The following MAP4K3 variants were observed in gnomAD, a reference collection of about 807,000 sequenced individuals.
MAP4K3 encodes mitogen-activated protein kinase kinase kinase kinase 3, also known as MAPK/ERK kinase kinase kinase 3.
In MAP4K3, 94 loss-of-function variants were observed where a neutral mutation model predicts 143.5. The observed-to-expected ratio is 0.65, with a 90% CI of 0.55 to 0.78. The LOEUF (loss-of-function observed/expected upper bound fraction) is 0.78, where lower values mean the gene tolerates loss of function less well. Ranked by LOEUF, MAP4K3 falls within the 30% of genes least tolerant of loss-of-function variation. MAP4K3 has a pLI of 0.00. For missense variants in MAP4K3, 1,077 were observed against 1,068.1 expected (o/e 1.01, Z -0.12); for synonymous variants, 416 against 347.2 (o/e 1.20, Z -2.20).
rs755777714 is a variant in MAP4K3, at chr2:39,391,358, C to CAAAAAAA, written c.97-13242_97-13236dup. On this transcript the variant is annotated intron_variant, in intron 1 of 33. Coordinates refer to ENST00000263881, the MANE Select transcript of MAP4K3 (RefSeq NM_003618.4). ...TGAGCGACAGAGCAAGACTCCATCTCAAAAAAAAAAAAAAAAAAAAAAAGA... is the reference window on the plus strand; with the variant it reads ...TGAGCGACAGAGCAAGACTCCATCTCAAAAAAAAAAAAAAAAAAAAAAAAAAAAAAGA... Among the ~76,000 whole-genome samples the CAAAAAAA allele has an allele frequency of 7.2e-3, 323 of 45,118 alleles. 2 individuals carry two copies. Among genetic ancestry groups the CAAAAAAA allele is most frequent in the East Asian group, 0.013 (16 of 1,234 alleles). The allele number at this position is 45,118 out of a possible 152,430, so 29.6% of individuals were successfully genotyped here.
intron 3 of MAP4K3, among the ~76,000 whole-genome samples, chr2:39,346,331 G>A (rs895149524): frequency 3.9e-5 from 6 of 152,028 alleles, no homozygotes; most frequent in African/African-American, 1.2e-4. Flanking sequence ...AAAACAAAAG[G>A]CAGACCAGTT....
intron 1 of MAP4K3, among the ~76,000 whole-genome samples, chr2:39,385,434 T>C (rs561728033): frequency 1.3e-5 from 2 of 151,896 alleles, no homozygotes; most frequent in East Asian, 3.9e-4. Context: ...TGATGACTAA[T>C]GATGCTCTTA....
At position 39,300,994 on chromosome 2, in the gene MAP4K3, T is replaced by C. The variant is rs78373257; in HGVS notation, c.1120-1193A>G. Among the ~76,000 whole-genome samples the C allele has an allele frequency of 2.5e-3, 374 of 152,298 alleles. 10 individuals are homozygous for C. The East Asian group carries it at 0.041, about 17-fold the overall frequency. ...TGCCAACTGTTTATTTTCCCATAAATAAAACTTCAGCCTCGTTAAGATACA... is the reference window on the plus strand; with the variant it reads ...TGCCAACTGTTTATTTTCCCATAAACAAAACTTCAGCCTCGTTAAGATACA... On this transcript the variant is annotated intron_variant, in intron 15 of 33. Transcript: ENST00000263881.
At chr2:39,262,830 T>G (rs1680619832) in intron 28 of MAP4K3, among the ~76,000 whole-genome samples, 1 of 152,114 alleles carries the variant, frequency 6.6e-6, no homozygotes, top group Admixed American at 6.5e-5. Context: ...CCAGGCTGGG[T>G]GCGGTGGCTC....
chr2:39,356,334 C>T lies in MAP4K3; in HGVS notation c.160G>A (p.Asp54Asn), dbSNP rs781264952. The T allele has an allele frequency of 4.5e-6, 7 of 1,570,314 alleles. No homozygotes were observed. The highest frequency in any genetic ancestry group is 5.2e-6 in the Non-Finnish European group (6 of 1,149,942). Reference protein sequence around the residue: ...IKVIKLEPGEDFAVVQQEIIM... With the variant: ...IKVIKLEPGENFAVVQQEIIM... ...ATTTCTTGCTGCACAACTGCAAAGT[C>T]TTCTCCTGGAATAAAAAACAAGCAT... Residue 54 changes from aspartate (D) to asparagine (N), a missense_variant, in exon 3 of 34, where the codon GAC becomes AAC. This residue lies in a region of MAP4K3 where 213 missense variants were observed against 266.8 expected (regional missense o/e 0.80). Transcript: ENST00000263881.
intron 1 of MAP4K3, among the ~76,000 whole-genome samples, chr2:39,386,066 T>C (rs1666497385): frequency 6.6e-6 from 1 of 152,216 alleles, no homozygotes; most frequent in South Asian, 2.1e-4. Context: ...AGAACATGAC[T>C]ATATTCAGAG....
chr2:39,285,056 C>T (rs1174226630), intron 21 of MAP4K3, among the ~76,000 whole-genome samples: 1 of 151,700 alleles, frequency 6.6e-6, no homozygotes, highest in Non-Finnish European at 1.5e-5. Flanking sequence ...CCATGTCTGG[C>T]TAAATTTTTA....
At chr2:39,327,268 T>C (rs1462273522) in intron 8 of MAP4K3, among the ~76,000 whole-genome samples, 1 of 152,210 alleles carries the variant, frequency 6.6e-6, no homozygotes, top group African/African-American at 2.4e-5. Flanking sequence ...TCATATTTAC[T>C]AAAAACTTAT....
At chr2:39,413,224 C>G (rs1667277576) in intron 1 of MAP4K3, among the ~76,000 whole-genome samples, 1 of 152,106 alleles carries the variant, frequency 6.6e-6, no homozygotes. Context: ...CATGAGTAAC[C>G]AAGTTCTATT....
intron 3 of MAP4K3, among the ~76,000 whole-genome samples, chr2:39,351,183 C>T (rs779720307): frequency 2.0e-5 from 3 of 152,136 alleles, no homozygotes; most frequent in Non-Finnish European, 4.4e-5. Flanking sequence ...TAACTATGTA[C>T]CCCCTTTTCC....
chr2:39,425,674 C>T (rs1030531681), intron 1 of MAP4K3, among the ~76,000 whole-genome samples: 1 of 134,864 alleles, frequency 7.4e-6, no homozygotes, highest in Non-Finnish European at 1.6e-5. Context: ...AAATTAATTT[C>T]TGTCATTTAA....
intron 6 of MAP4K3, 83 bp from the exon 7 acceptor site, chr2:39,333,657 A>T: frequency 4.2e-6 from 3 of 706,342 alleles, no homozygotes; most frequent in Non-Finnish European, 7.1e-6. Flanking sequence ...ACATATTTAA[A>T]ATAATCACAG....
intron 21 of MAP4K3, among the ~76,000 whole-genome samples, chr2:39,284,128 T>C (rs1374449121): frequency 1.3e-5 from 2 of 152,184 alleles, no homozygotes; most frequent in African/African-American, 2.4e-5. Flanking sequence ...AATTATCTGA[T>C]GTCATCTATT....
chr2:39,411,023 G>C (rs984898033), intron 1 of MAP4K3, among the ~76,000 whole-genome samples: 6 of 152,022 alleles, frequency 3.9e-5, no homozygotes, highest in African/African-American at 1.4e-4. Context: ...ACTTAAGCTG[G>C]AGATAAATGA....
At chr2:39,396,725 G>A (rs913931102) in intron 1 of MAP4K3, among the ~76,000 whole-genome samples, 3 of 151,906 alleles carry the variant, frequency 2.0e-5, no homozygotes, top group Admixed American at 1.3e-4. Context: ...CGCCCGCCTC[G>A]GCCTCCCAAA....
At chr2:39,404,647 G>A (rs1345785616) in intron 1 of MAP4K3, among the ~76,000 whole-genome samples, 1 of 100,440 alleles carries the variant, frequency 1.0e-5, no homozygotes, top group Non-Finnish European at 2.0e-5. Flanking sequence ...TTGAGGTGGA[G>A]TTTTGCTCTT....
chr2:39,325,942 T>C lies in MAP4K3; in HGVS notation c.682A>G (p.Lys228Glu), dbSNP rs1683477386. 6.3e-7 allele frequency: 1 copy of C among 1,595,412 alleles called. No homozygotes were observed. The highest frequency in any genetic ancestry group is 8.6e-7 in the Non-Finnish European group (1 of 1,166,012). ...HPMRALFLMT[K>E]SNFQPPKLKD... is the part of the protein sequence containing the mutation. ...AGTTTAGGAGGCTGAAAATTGCTTT[T>C]TGTCATTAGAAATAATGCTCTGAAA... is the stretch of plus-strand genomic sequence containing the variant. The change falls in exon 10 of 34, where the codon AAA (lysine) becomes GAA (glutamate). Residue 228 changes from lysine to glutamate, a missense_variant. By Grantham distance (56) the Lys-to-Glu change is moderately conservative. Transcript: ENST00000263881.
intron 4 of MAP4K3, among the ~76,000 whole-genome samples, chr2:39,337,902 G>A (rs1221908339): frequency 6.6e-6 from 1 of 151,840 alleles, no homozygotes; most frequent in Non-Finnish European, 1.5e-5. Flanking sequence ...TGGGGGCATA[G>A]GTGCATGCCA....
intron 12 of MAP4K3, among the ~76,000 whole-genome samples, chr2:39,317,115 A>C (rs1402159607): frequency 6.6e-6 from 1 of 152,258 alleles, no homozygotes; most frequent in East Asian, 1.9e-4. Context: ...CCATACATCT[A>C]CAACCATCTG....
Sources: gnomAD v4.1 joint callset for allele counts (sites outside exome capture counted in the v4.1 genomes callset) on GRCh38, gnomAD v4.1.1 for gene constraint, gnomAD v4.1.1 regional missense constraint, MANE v1.5 for transcripts, NCBI Gene and HGNC (gene_info 2026-07-23, HGNC 2026-07-21) for gene names.